The following CROCC2 variants were observed in gnomAD, a reference collection of about 807,000 sequenced individuals.
The protein encoded by CROCC2 is ciliary rootlet coiled-coil, rootletin family member 2, also known as ciliary rootlet coiled-coil protein 2.
In CROCC2, 163 loss-of-function variants were observed where a neutral mutation model predicts 177.6. The observed-to-expected ratio is 0.92, with a 90% confidence interval of 0.81 to 1.05. CROCC2 has a LOEUF of 1.05. Among genes scored for constraint, CROCC2 ranks in the 50% least tolerant of loss-of-function variants. CROCC2 has a pLI of 0.00. For missense variants in CROCC2, 1,929 were observed against 1,797.8 expected, an observed-to-expected ratio of 1.07 and a Z score of -1.32; for synonymous variants, 904 against 787.3, an observed-to-expected ratio of 1.15 and a Z score of -2.48.
intron 6 of CROCC2, among the ~76,000 whole-genome samples, chr2:240,930,605 G>A (rs1302352981): frequency 1.3e-5 from 2 of 152,142 alleles, no homozygotes; most frequent in African/African-American, 4.8e-5. Context: ...CTTGCTGGGT[G>A]CCACACTGGA....
rs141982520 is a variant in CROCC2, at chr2:240,973,730, C to T, written c.4401+5468C>T. On this transcript the variant is annotated intron_variant, in intron 27 of 31. Coordinates refer to ENST00000690015, the MANE Select transcript of CROCC2 (RefSeq NM_001351305.2). The surrounding 1 kb of genome is among the most constrained non-coding windows in gnomAD (Gnocchi z 4.7). ...ACTGAGCCACAGTCAGACTTGATTA[C>T]TCTCAGTGTTTTGTCAAGAATTTTT... 1.3e-5 allele frequency among the ~76,000 whole-genome samples: 2 copies of T among 152,356 alleles called. No homozygotes were observed. The highest frequency in any genetic ancestry group is 3.9e-4 in the East Asian group (2 of 5,192).
At chr2:240,911,542 C>T (rs1032350165) in intron 1 of CROCC2, among the ~76,000 whole-genome samples, 4 of 152,128 alleles carry the variant, frequency 2.6e-5, no homozygotes, top group Non-Finnish European at 5.9e-5. Context: ...AAGCGATGTG[C>T]GCGCCTCAAC....
rs867794142 is a variant in CROCC2 at position 240,968,147 on chromosome 2, G to A, written c.4286G>A (p.Gly1429Asp). The A allele has an allele frequency of 9.3e-6, 14 of 1,503,004 alleles. No homozygotes were observed. In the African/African-American group the frequency reaches 9.8e-5, roughly 11 times the overall value. The allele number at this position is 1,503,004 out of a possible 1,614,324, so 93.1% of individuals were successfully genotyped here. The change falls in exon 27 of 32, where the codon GGC becomes GAC. Residue 1429 changes from glycine to aspartate, a missense_variant. Gly to Asp is a moderately conservative substitution (Grantham distance 94). Transcript: ENST00000690015. ...CCCACAGGCCAGCGCCGGGTGGAGG[G>A]CGCGCTGAGCAGCGCCCGGGCAGCA... ...EAEEGQRRVE[G>D]ALSSARAARA...
rs542830153 is a variant in CROCC2, at chr2:240,922,562, C to G, written c.405C>G (p.Thr135=). ...SEQLQARLET[T]EAQLRRSELE... is the part of the protein sequence containing the mutation. ...AGCTGCAGGCCCGGCTGGAGACCACCGAGGCTCAGCTGCGGAGGTCAGAGC... is the reference window on the plus strand; with the variant it reads ...AGCTGCAGGCCCGGCTGGAGACCACGGAGGCTCAGCTGCGGAGGTCAGAGC... Residue 135 remains threonine (T), a synonymous_variant, in exon 4 of 32, where the codon ACC becomes ACG. Coordinates refer to ENST00000690015, the MANE Select transcript of CROCC2 (RefSeq NM_001351305.2). 4.5e-5 allele frequency: 31 copies of G among 694,870 alleles called. No homozygotes were observed. In the African/African-American group the frequency reaches 5.0e-4, roughly 11 times the overall value. 43.0% of individuals were successfully genotyped at this position (694,870 alleles called of 1,614,324 possible). A position where few individuals can be genotyped will look rare whatever the true frequency, so the allele number is the denominator to read the frequency against.
chr2:240,984,378 A>G (rs1391313643), intron 28 of CROCC2, among the ~76,000 whole-genome samples: 1 of 151,974 alleles, frequency 6.6e-6, no homozygotes, highest in Non-Finnish European at 1.5e-5. Context: ...AAACAGCCCA[A>G]TAAAGAGGAA....
At chr2:240,971,294 A>G (rs934758831) in intron 27 of CROCC2, among the ~76,000 whole-genome samples, 3 of 152,200 alleles carry the variant, frequency 2.0e-5, no homozygotes, top group African/African-American at 7.2e-5. Flanking sequence ...TAATCACAGG[A>G]TAACGTCAGG....
intron 19 of CROCC2, chr2:240,957,353 G>GAC (rs2059597831): frequency 6.6e-6 from 1 of 152,298 alleles, no homozygotes; most frequent in South Asian, 2.1e-4. Context: ...CGCAGGGTTG[G>GAC]ACACCTACCT....
chr2:240,971,348 G>A (rs565596745), intron 27 of CROCC2, among the ~76,000 whole-genome samples: 2 of 152,302 alleles, frequency 1.3e-5, no homozygotes, highest in East Asian at 3.9e-4. Flanking sequence ...CTGCCACGTG[G>A]GTCCGAGCAA....
At chr2:240,919,933 T>C (rs1335404355) in intron 2 of CROCC2, 50 bp from the exon 3 acceptor site, 1 of 640,926 alleles carries the variant, frequency 1.6e-6, no homozygotes. Flanking sequence ...CAAGGCTGAG[T>C]GTGGGTGGGC....
chr2:240,986,052 A>G (rs1258445456), intron 28 of CROCC2: 1 of 431,492 alleles, frequency 2.3e-6, no homozygotes, highest in Non-Finnish European at 4.7e-6. Context: ...GTGGCTCTCC[A>G]GGGCTTCAGG....
chr2:240,931,896 G>T (rs1348808442), intron 7 of CROCC2, among the ~76,000 whole-genome samples: 1 of 152,266 alleles, frequency 6.6e-6, no homozygotes, highest in Non-Finnish European at 1.5e-5. Context: ...CACAGGAAGG[G>T]GGACCTGGGG....
At position 240,918,834 on chromosome 2, in the gene CROCC2, C is replaced by A; in HGVS notation, c.187C>A (p.Arg63Ser). 2 of 645,452 alleles carry A rather than the reference C, an allele frequency of 3.1e-6. No homozygotes were observed. The highest frequency in any genetic ancestry group is 2.9e-5 in the East Asian group (1 of 34,146). 40.0% of individuals were successfully genotyped at this position (645,452 alleles called of 1,614,324 possible). A position where few individuals can be genotyped will look rare whatever the true frequency, so the allele number is the denominator to read the frequency against. Reference protein sequence around the residue: ...ASPTPVPTRIREIVAGSLSEE... With the variant: ...ASPTPVPTRISEIVAGSLSEE... ...GCCCACCCCCGTGCCCACCCGCATC[C>A]GTGAGATCGTGGCCGGCAGCCTGAG... The change falls in exon 2 of 32, where the codon CGT becomes AGT. Residue 63 changes from arginine (R) to serine (S), a missense_variant. By Grantham distance (110) the Arg-to-Ser change is moderately radical (BLOSUM62 -1). Coordinates refer to ENST00000690015, the MANE Select transcript of CROCC2 (RefSeq NM_001351305.2). This position sits in a 1 kb window ranked among gnomAD's most constrained non-coding sequence, Gnocchi z 6.3.
At chr2:240,920,848 A>T (rs768681696) in intron 3 of CROCC2, among the ~76,000 whole-genome samples, 21 of 152,210 alleles carry the variant, frequency 1.4e-4, no homozygotes, top group Non-Finnish European at 1.8e-4. Flanking sequence ...CTCCTATGTC[A>T]GCCGCTCCAA....
intron 24 of CROCC2, 82 bp downstream of exon 24, chr2:240,966,075 T>A: frequency 1.6e-6 from 2 of 1,285,854 alleles, no homozygotes; most frequent in Non-Finnish European, 2.0e-6. Context: ...GCCTCACAAC[T>A]CACACAGTGA....
rs150454581 is a variant in CROCC2, at chr2:240,917,148, C to T, written c.79-1578C>T. On this transcript the variant is annotated intron_variant, in intron 1 of 31. Transcript: ENST00000690015. This position sits in a 1 kb window ranked among gnomAD's most constrained non-coding sequence, Gnocchi z 4.9. ...AGACAGACCCTGGTGCACGGGCTGTCGGGAGGACGGGCGGGCTGGCCCCAG... is the reference window on the plus strand; with the variant it reads ...AGACAGACCCTGGTGCACGGGCTGTTGGGAGGACGGGCGGGCTGGCCCCAG... 2.6e-5 allele frequency among the ~76,000 whole-genome samples: 4 copies of T among 152,168 alleles called. No individual in the cohort carries two copies. Among genetic ancestry groups the T allele is most frequent in the Non-Finnish European group, 4.4e-5 (3 of 67,982 alleles).
At chr2:240,991,583 T>C (rs1338598489) in intron 31 of CROCC2, among the ~76,000 whole-genome samples, 1 of 152,232 alleles carries the variant, frequency 6.6e-6, no homozygotes, top group Admixed American at 6.5e-5. Context: ...AGACTCAGCC[T>C]GCAGCTGGTG....
In CROCC2 at chr2:240,982,158, C is replaced by T. The variant is rs577838143; in HGVS notation, c.4402-722C>T. The T allele has an allele frequency of 6.6e-6, 1 of 152,148 alleles. No individual in the cohort carries two copies. The highest frequency in any genetic ancestry group is 1.9e-4 in the East Asian group (1 of 5,168). The allele number at this position is 152,148 out of a possible 1,614,324, so 9.4% of individuals were successfully genotyped here. On this transcript the variant is annotated intron_variant, in intron 27 of 31. Coordinates refer to ENST00000690015, the MANE Select transcript of CROCC2 (RefSeq NM_001351305.2). The surrounding 1 kb of genome is among the most constrained non-coding windows in gnomAD (Gnocchi z 4.7). ...GGGGGCAGCTGGGAGCACCACAGGC[C>T]CAGAGCAAGGCAGTGGCATGGCCGA...
In CROCC2 at chr2:240,933,841, A is replaced by G. The variant is rs775327545; in HGVS notation, c.1635A>G (p.Ala545=). Residue 545 remains alanine, a synonymous_variant, in exon 11 of 32, where the codon GCA becomes GCG. Coordinates refer to ENST00000690015, the MANE Select transcript of CROCC2 (RefSeq NM_001351305.2). ...LALRRERSCR[A]LETSQGRLQQ... Reference sequence around the variant, plus strand: ...TGCGGAGGGAGCGGAGCTGCAGGGCACTGGAGACCAGGTGCGCGGCCGTGG... The same window carrying G: ...TGCGGAGGGAGCGGAGCTGCAGGGCGCTGGAGACCAGGTGCGCGGCCGTGG... 5.2e-6 allele frequency: 8 copies of G among 1,546,094 alleles called. No individual in the cohort carries two copies. The highest frequency in any genetic ancestry group is 4.8e-5 in the South Asian group (4 of 83,922).
intron 5 of CROCC2, among the ~76,000 whole-genome samples, 182 bp from the exon 6 acceptor site, chr2:240,929,984 G>C (rs2059417238): frequency 2.0e-5 from 3 of 152,244 alleles, no homozygotes; most frequent in Admixed American, 2.0e-4. Flanking sequence ...GAGGGGCACA[G>C]TATGGCCCCA....
Sources: allele counts gnomAD v4.1 joint callset (sites outside exome capture counted in the v4.1 genomes callset), GRCh38; gene constraint gnomAD v4.1.1; non-coding constraint Gnocchi (gnomAD v3.1); transcripts MANE v1.5; gene names NCBI Gene and HGNC (gene_info 2026-07-23, HGNC 2026-07-21).